The following CDK8 variants were observed in gnomAD, a reference collection of about 807,000 sequenced individuals.
CDK8 encodes the protein cyclin dependent kinase 8.
CDK8 carries 29 observed loss-of-function variants against 71.5 expected under a neutral mutation model. The ratio of observed to expected loss-of-function variants is 0.41; its 90% confidence interval spans 0.30 to 0.55. The LOEUF (loss-of-function observed/expected upper bound fraction) is 0.55, where lower values mean the gene tolerates loss of function less well. Among genes scored for constraint, CDK8 ranks in the 20% least tolerant of loss-of-function variants. The probability of loss-of-function intolerance (pLI) is 0.37; values close to 1 mark genes in which losing one functional copy is unlikely to be tolerated. For synonymous variants in CDK8, 161 were observed against 192.1 expected (o/e 0.84, Z 1.34); for missense variants, 288 against 572.6 (o/e 0.50, Z 5.07).
At position 26,257,925 on chromosome 13, in the gene CDK8, A is replaced by T. The variant is rs74040465; in HGVS notation, c.128+3156A>T. On this transcript the variant is annotated intron_variant, in intron 1 of 12. Transcript: ENST00000381527. Reference sequence around the variant, plus strand: ...GTGTGTGTGTGTGTGTGTGTGTGAGAGAGAGAGAGATACTGCCAACTTTCT... The same window carrying T: ...GTGTGTGTGTGTGTGTGTGTGTGAGTGAGAGAGAGATACTGCCAACTTTCT... 8.6e-3 allele frequency among the ~76,000 whole-genome samples: 1,126 copies of T among 131,348 alleles called. 11 individuals are homozygous for T. Among genetic ancestry groups the T allele is most frequent in the African/African-American group, 0.037 (918 of 25,108 alleles). The allele number at this position is 131,348 out of a possible 152,430, so 86.2% of individuals were successfully genotyped here.
chr13:26,363,802 T>C lies in CDK8; in HGVS notation c.456+9922T>C, dbSNP rs149423713. Among the ~76,000 whole-genome samples, 1,463 of 152,330 alleles carry C rather than the reference T, an allele frequency of 9.6e-3. 13 individuals carry two copies. The highest frequency in any genetic ancestry group is 0.017 in the Non-Finnish European group (1,129 of 68,026). On this transcript the variant is annotated intron_variant, in intron 4 of 12. Coordinates refer to ENST00000381527, the MANE Select transcript of CDK8 (RefSeq NM_001260.3). ...AAGGATATGTTGGTTTCCTAGCAAC[T>C]GTTAAATAAGATTAAAATCTTGGAG... is the stretch of plus-strand genomic sequence containing the variant.
At chr13:26,348,597 C>T (rs1018155790) in intron 2 of CDK8, among the ~76,000 whole-genome samples, 31 of 152,004 alleles carry the variant, frequency 2.0e-4, no homozygotes, top group Admixed American at 9.2e-4. Flanking sequence ...CCCCATTATC[C>T]GTGGAAAATT....
intron 1 of CDK8, among the ~76,000 whole-genome samples, chr13:26,296,442 G>T (rs1290457869): frequency 6.6e-6 from 1 of 152,154 alleles, no homozygotes; most frequent in Admixed American, 6.5e-5. Context: ...AGTAAAGAAG[G>T]TTGATGTGAA....
intron 2 of CDK8, among the ~76,000 whole-genome samples, chr13:26,347,887 GA>G (rs1224090647): frequency 1.3e-5 from 2 of 152,120 alleles, no homozygotes; most frequent in Admixed American, 1.3e-4. Flanking sequence ...TGGTTTCTCA[GA>G]AAGTTAAACA....
chr13:26,319,342 G>T (rs941529724), intron 1 of CDK8, among the ~76,000 whole-genome samples: 1 of 151,984 alleles, frequency 6.6e-6, no homozygotes, highest in Non-Finnish European at 1.5e-5. Context: ...GGTGGCGGAT[G>T]CCTGTAATTC....
chr13:26,360,423 C>G (rs182057443), intron 4 of CDK8, among the ~76,000 whole-genome samples: 4 of 152,294 alleles, frequency 2.6e-5, no homozygotes, highest in Admixed American at 2.6e-4. Context: ...CCAGCCAACT[C>G]AGAGGTTGCC....
rs533020430 is a variant in CDK8 at position 26,254,180 on chromosome 13, AGAGTGAGT to A, written c.-448_-441del. ...CTGCCCTTCTGTTTGAGTGTATGGG[AGAGTGAGT>A]GAGTGAGTGAGTGTGAGCGTGTGTG... On this transcript the variant is annotated 5_prime_UTR_variant, in exon 1 of 13. Coordinates refer to ENST00000381527, the MANE Select transcript of CDK8 (RefSeq NM_001260.3). The surrounding 1 kb of genome is among the most constrained non-coding windows in gnomAD (Gnocchi z 6.7). 6 of 238,040 alleles carry A rather than the reference AGAGTGAGT, an allele frequency of 2.5e-5. No homozygotes were observed. In the South Asian group the frequency reaches 4.3e-4, roughly 17 times the overall value. 14.7% of individuals were successfully genotyped at this position (238,040 alleles called of 1,614,324 possible). A position where few individuals can be genotyped will look rare whatever the true frequency, so the allele number is the denominator to read the frequency against.
chr13:26,402,461 T>C (rs1223647111), intron 12 of CDK8, among the ~76,000 whole-genome samples: 1 of 152,146 alleles, frequency 6.6e-6, no homozygotes, highest in Non-Finnish European at 1.5e-5. Flanking sequence ...ATTAGAATTA[T>C]TTACACACAA....
intron 1 of CDK8, among the ~76,000 whole-genome samples, chr13:26,280,531 T>A (rs575308727): frequency 8.5e-5 from 13 of 152,220 alleles, no homozygotes; most frequent in Non-Finnish European, 4.4e-5. Context: ...AGTGATATAG[T>A]GGTACCACAA....
At chr13:26,278,546 G>T (rs751319537) in intron 1 of CDK8, among the ~76,000 whole-genome samples, 4 of 152,148 alleles carry the variant, frequency 2.6e-5, no homozygotes, top group Non-Finnish European at 5.9e-5. Flanking sequence ...TGAGAGATGG[G>T]ATAAAACTTG....
intron 1 of CDK8, among the ~76,000 whole-genome samples, chr13:26,294,861 C>T (rs1465944591): frequency 4.6e-5 from 7 of 152,116 alleles, no homozygotes; most frequent in African/African-American, 9.6e-5. Context: ...GCGATTACCC[C>T]GCCTCAGCCT....
At chr13:26,364,346 T>A (rs1386207385) in intron 4 of CDK8, among the ~76,000 whole-genome samples, 2 of 152,220 alleles carry the variant, frequency 1.3e-5, no homozygotes, top group Non-Finnish European at 2.9e-5. Flanking sequence ...TATTTGTCAT[T>A]ATTGTCATGT....
At chr13:26,329,469 G>GTTT (rs35796023) in intron 1 of CDK8, among the ~76,000 whole-genome samples, 11 of 71,576 alleles carry the variant, frequency 1.5e-4, no homozygotes, top group African/African-American at 4.4e-4. Context: ...GCCTATTTCT[G>GTTT]TTTTTTTTTT....
rs116743871 is a variant in CDK8 at position 26,333,098 on chromosome 13, A to G, written c.129-4469A>G. 6.5e-3 allele frequency among the ~76,000 whole-genome samples: 996 copies of G among 152,172 alleles called. 10 individuals carry two copies. The highest frequency in any genetic ancestry group is 0.021 in the African/African-American group (866 of 41,526). On this transcript the variant is annotated intron_variant, in intron 1 of 12. Transcript: ENST00000381527. The stretch of plus-strand genomic sequence containing the variant: ...TTCTGGTGATGCTACTGTGCTGCTT[A>G]GGACTACCCTGAACACATTTTTTCA...
At chr13:26,286,825 CA>C (rs1873045372) in intron 1 of CDK8, among the ~76,000 whole-genome samples, 1 of 152,006 alleles carries the variant, frequency 6.6e-6, no homozygotes, top group African/African-American at 2.4e-5. Context: ...ACAATCCCAT[CA>C]AAAAGTGGGC....
intron 1 of CDK8, among the ~76,000 whole-genome samples, chr13:26,320,698 T>C (rs1250572911): frequency 6.6e-6 from 1 of 152,106 alleles, no homozygotes; most frequent in Non-Finnish European, 1.5e-5. Flanking sequence ...ACAACTTGAT[T>C]CAAAAATTGG....
At chr13:26,353,063 C>G (rs905645279) in intron 3 of CDK8, among the ~76,000 whole-genome samples, 4 of 152,096 alleles carry the variant, frequency 2.6e-5, no homozygotes, top group Admixed American at 1.3e-4. Context: ...AAAATGAGTC[C>G]TATCAAGAGC....
intron 6 of CDK8, among the ~76,000 whole-genome samples, chr13:26,391,884 A>G (rs1875762166): frequency 6.6e-6 from 1 of 152,222 alleles, no homozygotes; most frequent in Non-Finnish European, 1.5e-5. Context: ...GAAATTTTAG[A>G]TTAAATTAAA....
At chr13:26,294,969 C>T (rs563768468) in intron 1 of CDK8, among the ~76,000 whole-genome samples, 11 of 152,176 alleles carry the variant, frequency 7.2e-5, no homozygotes, top group Non-Finnish European at 1.2e-4. Flanking sequence ...AGGATGATCT[C>T]GATCCCTTGA....
Sources: gnomAD v4.1 joint callset for allele counts (sites outside exome capture counted in the v4.1 genomes callset) on GRCh38, gnomAD v4.1.1 for gene constraint, Gnocchi (gnomAD v3.1) non-coding constraint, MANE v1.5 for transcripts, NCBI Gene and HGNC (gene_info 2026-07-23, HGNC 2026-07-21) for gene names.